The following CACNA1G variants were observed in gnomAD, a reference collection of about 807,000 sequenced individuals.
CACNA1G encodes the protein calcium voltage-gated channel subunit alpha1 G.
In CACNA1G, 67 loss-of-function variants were observed where a neutral mutation model predicts 219.4. The ratio of observed to expected loss-of-function variants is 0.31; its 90% CI spans 0.25 to 0.37. CACNA1G has a LOEUF of 0.37. CACNA1G is among the 10% of genes least tolerant of loss of function. The pLI is 1.00. For missense variants in CACNA1G, 2,380 were observed against 3,231.4 expected (o/e 0.74, Z 6.39); for synonymous variants, 1,296 against 1,345.3 (o/e 0.96, Z 0.80).
chr17:50,570,988 C>G (rs2039312938), intron 4 of CACNA1G, among the ~76,000 whole-genome samples: 1 of 152,198 alleles, frequency 6.6e-6, no homozygotes, highest in Non-Finnish European at 1.5e-5. Context: ...CATTAGAGAT[C>G]TGTCTGCTTG....
At chr17:50,570,547 C>T (rs2039161325) in intron 4 of CACNA1G, among the ~76,000 whole-genome samples, 1 of 50,758 alleles carries the variant, frequency 2.0e-5, no homozygotes, top group South Asian at 1.1e-3. Context: ...TAGCAGCAGC[C>T]CCCTGCGCTC....
intron 26 of CACNA1G, among the ~76,000 whole-genome samples, chr17:50,612,270 C>T (rs184302576): frequency 1.3e-5 from 2 of 152,266 alleles, no homozygotes; most frequent in East Asian, 3.8e-4. Flanking sequence ...CACTCCTGTC[C>T]TGGTGCTGCT....
chr17:50,619,540 G>T, intron 33 of CACNA1G, 143 bp from the exon 34 acceptor site: 3 of 551,030 alleles, frequency 5.4e-6, no homozygotes, highest in Non-Finnish European at 6.3e-6. Flanking sequence ...TTGTGTGTGT[G>T]CACATGTGCA....
intron 8 of CACNA1G, among the ~76,000 whole-genome samples, chr17:50,577,675 G>C (rs572530503): frequency 6.6e-6 from 1 of 152,094 alleles, no homozygotes; most frequent in Non-Finnish European, 1.5e-5. Flanking sequence ...GTTGGTATGT[G>C]CATGTATGTG....
At position 50,617,074 on chromosome 17, in the gene CACNA1G, C is replaced by T. The variant is rs1370589560; in HGVS notation, c.5022-364C>T. Among the ~76,000 whole-genome samples, 1 of 152,136 alleles carries T rather than the reference C, an allele frequency of 6.6e-6. No homozygotes were observed. The highest frequency in any genetic ancestry group is 1.5e-5 in the Non-Finnish European group (1 of 68,034). ...ATGTTGCCCAGGCTGTTCTCGAACTCCTGAGCTCAAGTGATCCTCCCACCT... is the reference window on the plus strand; with the variant it reads ...ATGTTGCCCAGGCTGTTCTCGAACTTCTGAGCTCAAGTGATCCTCCCACCT... On this transcript the variant is annotated intron_variant, in intron 28 of 37. Transcript: ENST00000359106. The surrounding 1 kb of genome is among the most constrained non-coding windows in gnomAD (Gnocchi z 5.8).
rs2035624847 is a variant in CACNA1G, at chr17:50,561,659, A to G, written c.200A>G (p.Asp67Gly). 1 of 1,605,894 alleles carries G rather than the reference A, an allele frequency of 6.2e-7. No individual in the cohort carries two copies. The highest frequency in any genetic ancestry group is 8.5e-7 in the Non-Finnish European group (1 of 1,176,706). The change falls in exon 1 of 38, where the codon GAC (aspartate) becomes GGC (glycine). Residue 67 changes from aspartate to glycine, a missense_variant. By Grantham distance (94) the Asp-to-Gly change is moderately conservative. Transcript: ENST00000359106. The part of the protein sequence containing the change: ...APVVFFYLSQ[D>G]SRPRSWCLRT... ...GTGGTTTTCTTCTACTTGAGCCAGG[A>G]CAGCCGCCCGCGGAGCTGGTGTCTC...
At position 50,578,271 on chromosome 17, in the gene CACNA1G, T is replaced by A; in HGVS notation, c.2008T>A (p.Cys670Ser). 6.2e-7 allele frequency: 1 copy of A among 1,612,914 alleles called. No individual in the cohort carries two copies. The highest frequency in any genetic ancestry group is 8.5e-7 in the Non-Finnish European group (1 of 1,179,750). ...GACGPDSCPY[C>S]ARAGAGEVEL... ...CTGTGGTCCAGACAGCTGCCCCTAC[T>A]GTGCCCGGGCCGGGGCAGGGGAGGT... The change falls in exon 9 of 38, where the codon TGT (cysteine) becomes AGT (serine). Residue 670 changes from cysteine (C) to serine (S), a missense_variant. By Grantham distance (112) the Cys-to-Ser change is moderately radical (BLOSUM62 -1). This residue lies in a region of CACNA1G where 434 missense variants were observed against 417.3 expected (regional missense o/e 1.04). Coordinates refer to ENST00000359106, the MANE Select transcript of CACNA1G (RefSeq NM_018896.5). This position sits in a 1 kb window ranked among gnomAD's most constrained non-coding sequence, Gnocchi z 4.5.
At chr17:50,597,759 C>T (rs554415636) in intron 16 of CACNA1G, among the ~76,000 whole-genome samples, 37 of 152,322 alleles carry the variant, frequency 2.4e-4, no homozygotes, top group Admixed American at 3.9e-4. Flanking sequence ...ACTGAAACTT[C>T]GTATCCTTTG....
intron 9 of CACNA1G, among the ~76,000 whole-genome samples, chr17:50,587,015 G>C (rs1038756135): frequency 1.7e-4 from 26 of 152,200 alleles, no homozygotes; most frequent in African/African-American, 6.3e-4. Context: ...CCTCCACTGG[G>C]CCTTGACATC....
chr17:50,621,568 A>C lies in CACNA1G; in HGVS notation c.5926-92A>C. 2.9e-6 allele frequency: 4 copies of C among 1,381,074 alleles called. No homozygotes were observed. The highest frequency in any genetic ancestry group is 4.0e-6 in the Non-Finnish European group (4 of 995,896). 85.6% of individuals were successfully genotyped at this position (1,381,074 alleles called of 1,614,324 possible). A position where few individuals can be genotyped will look rare whatever the true frequency, so the allele number is the denominator to read the frequency against. ...CCCCTGTGCTTCGTGAAAAGGGGGA[A>C]GTGGGGACTGAGAGAGAGCGCGTGT... On this transcript the variant is annotated intron_variant, in intron 34 of 37. Transcript: ENST00000359106. The surrounding 1 kb of genome is among the most constrained non-coding windows in gnomAD (Gnocchi z 4.6).
chr17:50,570,557 C>CTGTGTGTG lies in CACNA1G; in HGVS notation c.586+779_586+786dup, dbSNP rs3062844. 4.0e-3 allele frequency among the ~76,000 whole-genome samples: 537 copies of CTGTGTGTG among 132,678 alleles called. 5 individuals are homozygous for CTGTGTGTG. Among genetic ancestry groups the CTGTGTGTG allele is most frequent in the African/African-American group, 0.014 (474 of 34,310 alleles). 87.0% of individuals were successfully genotyped at this position (132,678 alleles called of 152,430 possible). On this transcript the variant is annotated intron_variant, in intron 4 of 37. Transcript: ENST00000359106. ...TGATGTAGCAGCAGCCCCCTGCGCT[C>CTGTGTGTG]TGTGTGTGTGTGTGTGTGTGTGTGT...
chr17:50,608,487 A>C, intron 25 of CACNA1G, among the ~76,000 whole-genome samples: 1 of 148,440 alleles, frequency 6.7e-6, no homozygotes, highest in East Asian at 2.0e-4. Flanking sequence ...GAACCCAGAC[A>C]CCCCTCCCTC....
In CACNA1G at chr17:50,561,653, G is replaced by A. The variant is rs1378308928; in HGVS notation, c.194G>A (p.Ser65Asn). Residue 65 changes from serine (S) to asparagine (N), a missense_variant, in exon 1 of 38, where the codon AGC (serine) becomes AAC (asparagine). This residue lies in a region of CACNA1G where 64 missense variants were observed against 103.7 expected (regional missense o/e 0.62). Transcript: ENST00000359106. ...ALAPVVFFYL[S>N]QDSRPRSWCL... Reference sequence around the variant, plus strand: ...GCCCCGGTGGTTTTCTTCTACTTGAGCCAGGACAGCCGCCCGCGGAGCTGG... The same window carrying A: ...GCCCCGGTGGTTTTCTTCTACTTGAACCAGGACAGCCGCCCGCGGAGCTGG... The A allele has an allele frequency of 6.2e-7, 1 of 1,606,928 alleles. No individual in the cohort carries two copies.
chr17:50,609,923 A>T lies in CACNA1G; in HGVS notation c.4747A>T (p.Ser1583Cys), dbSNP rs1184798839. 1 of 1,610,834 alleles carries T rather than the reference A, an allele frequency of 6.2e-7. No homozygotes were observed. The highest frequency in any genetic ancestry group is 1.3e-5 in the African/African-American group (1 of 74,946). The change falls in exon 26 of 38, where the codon AGC (serine) becomes TGC (cysteine). Residue 1583 changes from serine (S) to cysteine (C), a missense_variant. Physicochemically the swap from Ser to Cys is moderately radical, Grantham distance 112 (BLOSUM62 -1). Around this residue, in one of 17 missense-constraint regions of CACNA1G, gnomAD observed 58 missense variants for 71.3 expected, o/e 0.81. Coordinates refer to ENST00000359106, the MANE Select transcript of CACNA1G (RefSeq NM_018896.5). ...TGTAATTGCTTCCGGCAGCTCAGCC[A>T]GCGCTGCGTCAGGTACTGCGTCTGG... ...DDVIASGSSA[S>C]AASEAQCKPY...
In CACNA1G at chr17:50,596,811, C is replaced by T. The variant is rs1269225985; in HGVS notation, c.3146C>T (p.Ser1049Leu). Reference protein sequence around the residue: ...LIIHTAATPMSLPKSTSTGLG... With the variant: ...LIIHTAATPMLLPKSTSTGLG... Reference sequence around the variant, plus strand: ...ATCCACACGGCCGCCACACCCATGTCGCTGCCCAAGAGCACCAGCACGGGC... The same window carrying T: ...ATCCACACGGCCGCCACACCCATGTTGCTGCCCAAGAGCACCAGCACGGGC... Residue 1049 changes from serine (S) to leucine (L), a missense_variant, in exon 16 of 38, where the codon TCG becomes TTG. By Grantham distance (145) the Ser-to-Leu change is moderately radical. This residue lies in a region of CACNA1G where 418 missense variants were observed against 434.3 expected (regional missense o/e 0.96). Coordinates refer to ENST00000359106, the MANE Select transcript of CACNA1G (RefSeq NM_018896.5). This position sits in a 1 kb window ranked among gnomAD's most constrained non-coding sequence, Gnocchi z 4.8. 2 of 1,611,026 alleles carry T rather than the reference C, an allele frequency of 1.2e-6. No homozygotes were observed. The highest frequency in any genetic ancestry group is 1.7e-6 in the Non-Finnish European group (2 of 1,179,400).
At chr17:50,572,492 G>A in intron 5 of CACNA1G, 62 bp from the exon 6 acceptor site, 1 of 1,390,494 alleles carries the variant, frequency 7.2e-7, no homozygotes, top group Non-Finnish European at 9.6e-7. Flanking sequence ...CTCCCTTCCT[G>A]GGCCCTCTCC....
intron 25 of CACNA1G, 114 bp from the exon 26 acceptor site, chr17:50,609,768 C>T (rs1050229267): frequency 1.4e-5 from 12 of 855,884 alleles, no homozygotes; most frequent in South Asian, 3.1e-5. Context: ...ATGGGCTCAG[C>T]GCACCCCACC....
In CACNA1G at chr17:50,603,299, A is replaced by G. The variant is rs557879002; in HGVS notation, c.4169+100A>G. On this transcript the variant is annotated intron_variant, in intron 21 of 37. Transcript: ENST00000359106. This position sits in a 1 kb window ranked among gnomAD's most constrained non-coding sequence, Gnocchi z 6.4. ...TCCCTGCCACGAAACAAAAGCCTGCACAGGCCAGCATCCTGTCTGTGACCC... is the reference window on the plus strand; with the variant it reads ...TCCCTGCCACGAAACAAAAGCCTGCGCAGGCCAGCATCCTGTCTGTGACCC... 1.0e-6 allele frequency: 1 copy of G among 987,238 alleles called. No homozygotes were observed. The highest frequency in any genetic ancestry group is 1.5e-5 in the South Asian group (1 of 65,058). The allele number at this position is 987,238 out of a possible 1,614,324, so 61.2% of individuals were successfully genotyped here. A position where few individuals can be genotyped will look rare whatever the true frequency, so the allele number is the denominator to read the frequency against.
At chr17:50,598,705 C>G (rs184658203) in intron 16 of CACNA1G, among the ~76,000 whole-genome samples, 5 of 152,136 alleles carry the variant, frequency 3.3e-5, no homozygotes, top group African/African-American at 1.2e-4. Flanking sequence ...TGATTAGTGA[C>G]GTTGAGCATT....
Sources: gnomAD v4.1 joint callset for allele counts (sites outside exome capture counted in the v4.1 genomes callset) on GRCh38, gnomAD v4.1.1 for gene constraint, gnomAD v4.1.1 regional missense constraint, Gnocchi (gnomAD v3.1) non-coding constraint, MANE v1.5 for transcripts, NCBI Gene and HGNC (gene_info 2026-07-23, HGNC 2026-07-21) for gene names.